RPS6KA2: variants seen among roughly 807,000 people sequenced by gnomAD.
The protein encoded by RPS6KA2 is ribosomal protein S6 kinase alpha-2.
In RPS6KA2, 42 loss-of-function variants were observed where a neutral mutation model predicts 91.8. That is an observed-to-expected ratio of 0.46 (90% CI 0.36 to 0.59). The LOEUF is 0.59. Ranked by LOEUF, RPS6KA2 falls within the 20% of genes least tolerant of loss-of-function variation. RPS6KA2 has a pLI of 0.00. For synonymous variants in RPS6KA2, 414 were observed against 393.6 expected (o/e 1.05, Z -0.61); for missense variants, 798 against 978.5 (o/e 0.82, Z 2.46).
chr6:166,527,336 G>T (rs1783091575), intron 3 of RPS6KA2, among the ~76,000 whole-genome samples: 1 of 152,184 alleles, frequency 6.6e-6, no homozygotes, highest in African/African-American at 2.4e-5. Flanking sequence ...CACTCCTGGT[G>T]CCCTGGAGAG....
intron 2 of RPS6KA2, among the ~76,000 whole-genome samples, chr6:166,636,375 C>G (rs550985142): frequency 6.6e-6 from 1 of 152,324 alleles, no homozygotes; most frequent in East Asian, 1.9e-4. Flanking sequence ...CTATCTCAGA[C>G]AGGCTTGAAT....
At chr6:166,588,965 G>GT (rs1434664356) in intron 1 of RPS6KA2, among the ~76,000 whole-genome samples, 1 of 152,210 alleles carries the variant, frequency 6.6e-6, no homozygotes, top group African/African-American at 2.4e-5. Context: ...GGGAGGAGGA[G>GT]TGGGTGGTTA....
intron 1 of RPS6KA2, chr6:166,586,605 G>A (rs1785183753): frequency 1.2e-5 from 10 of 804,536 alleles, no homozygotes; most frequent in Non-Finnish European, 1.9e-5. Context: ...CCCAGGAGAG[G>A]TGGCCTCTGG....
chr6:166,507,233 G>C (rs1782262825), intron 5 of RPS6KA2, among the ~76,000 whole-genome samples: 1 of 152,106 alleles, frequency 6.6e-6, no homozygotes, highest in South Asian at 2.1e-4. Context: ...CCTTCCATCT[G>C]CGCTAGCTGG....
chr6:166,840,303 T>G (rs1297446582), intron 2 of RPS6KA2, among the ~76,000 whole-genome samples: 1 of 152,158 alleles, frequency 6.6e-6, no homozygotes, highest in Non-Finnish European at 1.5e-5. Flanking sequence ...CTTGGTGGTT[T>G]CCATGCACAG....
intron 2 of RPS6KA2, among the ~76,000 whole-genome samples, chr6:166,664,009 T>C (rs146921135): frequency 3.9e-5 from 6 of 152,390 alleles, no homozygotes; most frequent in African/African-American, 1.4e-4. Flanking sequence ...TCATAGGTTT[T>C]CTGACAGTTC....
At chr6:166,569,674 C>T (rs568001611) in intron 1 of RPS6KA2, among the ~76,000 whole-genome samples, 1 of 152,302 alleles carries the variant, frequency 6.6e-6, no homozygotes, top group East Asian at 1.9e-4. Context: ...CAGACAAGGT[C>T]ACCTTGGGAG....
Position 166,432,394 on chromosome 6 carries a change from C to G in RPS6KA2, c.1422+7G>C, listed in dbSNP as rs1268283889. The stretch of plus-strand genomic sequence containing the variant: ...AGTGGAGATGCTGTTGCACGGGGAC[C>G]ACTCACATCCTTGAGGGTGATGATG... On this transcript the variant is annotated splice_region_variant and intron_variant, in intron 15 of 20. Transcript: ENST00000265678. 2 of 1,594,674 alleles carry G rather than the reference C, an allele frequency of 1.3e-6. No individual in the cohort carries two copies. The highest frequency in any genetic ancestry group is 3.3e-5 in the Admixed American group (2 of 59,800).
chr6:166,706,230 T>C (rs1341314605), intron 2 of RPS6KA2, among the ~76,000 whole-genome samples: 1 of 152,198 alleles, frequency 6.6e-6, no homozygotes, highest in East Asian at 1.9e-4. Context: ...TTTTATCAAA[T>C]ACCTCTCTGT....
intron 2 of RPS6KA2, among the ~76,000 whole-genome samples, chr6:166,776,739 G>A (rs1215840418): frequency 3.3e-5 from 5 of 152,192 alleles, no homozygotes; most frequent in East Asian, 1.9e-4. Flanking sequence ...GTGTGTCAAC[G>A]CTTCCTTCCC....
chr6:166,551,801 T>C (rs1784030256), intron 1 of RPS6KA2, among the ~76,000 whole-genome samples: 1 of 152,202 alleles, frequency 6.6e-6, no homozygotes, highest in Admixed American at 6.5e-5. Context: ...CAAGAAGGAC[T>C]TGGCACAGAA....
intron 1 of RPS6KA2, among the ~76,000 whole-genome samples, chr6:166,859,136 A>G (rs192214288): frequency 9.2e-5 from 14 of 152,358 alleles, no homozygotes; most frequent in African/African-American, 3.4e-4. Flanking sequence ...CCTAGTAGCC[A>G]GGAGATAATC....
chr6:166,499,535 C>A (rs1704804148), intron 7 of RPS6KA2, among the ~76,000 whole-genome samples: 1 of 152,316 alleles, frequency 6.6e-6, no homozygotes, highest in African/African-American at 2.4e-5. Flanking sequence ...GTGCTATTCT[C>A]GTGACAGTGA....
chr6:166,719,354 T>A (rs1000441179), intron 2 of RPS6KA2, among the ~76,000 whole-genome samples: 1 of 152,244 alleles, frequency 6.6e-6, no homozygotes, highest in African/African-American at 2.4e-5. Flanking sequence ...TTATGCATCA[T>A]GAAATCTTCT....
chr6:166,861,180 T>C (rs1781037769), intron 1 of RPS6KA2, among the ~76,000 whole-genome samples: 1 of 152,236 alleles, frequency 6.6e-6, no homozygotes, highest in Admixed American at 6.5e-5. Context: ...TATGTGACTA[T>C]CTCAAGACGT....
rs551944696 is a variant in RPS6KA2, at chr6:166,687,289, A to G, written c.124-148505T>C. On this transcript the variant is annotated intron_variant, in intron 2 of 21. Transcript: ENST00000503859. ...AGGTCACAGGGCAGGGGATCATTAG[A>G]CCCAAATTTCAAATGAGGAACACAC... Among the ~76,000 whole-genome samples, 22 of 152,252 alleles carry G rather than the reference A, an allele frequency of 1.4e-4. No homozygotes were observed. In the East Asian group the frequency reaches 4.1e-3, roughly 28 times the overall value.
chr6:166,775,944 CG>C (rs145904371), intron 2 of RPS6KA2, among the ~76,000 whole-genome samples: 29,110 of 152,050 alleles, frequency 0.19, 3,219 homozygotes, highest in African/African-American at 0.3. Context: ...AAGACAGACA[CG>C]CGTGGAGGGC....
chr6:166,723,704 CT>C (rs1249150694), intron 2 of RPS6KA2, among the ~76,000 whole-genome samples: 175 of 139,546 alleles, frequency 1.3e-3, no homozygotes, highest in Admixed American at 1.6e-3. Context: ...CTTTTCTTTT[CT>C]TTTTTTTTTT....
In RPS6KA2 at chr6:166,418,292, G is replaced by A. The variant is rs200077411; in HGVS notation, c.1871C>T (p.Ala624Val). Residue 624 changes from alanine to valine, a missense_variant, in exon 19 of 21, where the codon GCG becomes GTG. Ala to Val is a moderately conservative substitution (Grantham distance 64). Transcript: ENST00000265678. This position sits in a 1 kb window ranked among gnomAD's most constrained non-coding sequence, Gnocchi z 4.9. Reference protein sequence around the residue: ...GPDDTPEEILARIGSGKYALS... With the variant: ...GPDDTPEEILVRIGSGKYALS... ...GGCATACTTCCCACTGCCGATCCGC[G>A]CCAGAATCTCCTCAGGGGTATCGTC... 41 of 1,613,812 alleles carry A rather than the reference G, an allele frequency of 2.5e-5. No individual in the cohort carries two copies. The highest frequency in any genetic ancestry group is 3.3e-5 in the Non-Finnish European group (39 of 1,179,944).
Sources: gnomAD v4.1 joint callset for allele counts (sites outside exome capture counted in the v4.1 genomes callset) on GRCh38, gnomAD v4.1.1 for gene constraint, Gnocchi (gnomAD v3.1) non-coding constraint, MANE v1.5 for transcripts, NCBI Gene and HGNC (gene_info 2026-07-23, HGNC 2026-07-21) for gene names.